TENM3: variants seen among roughly 807,000 people sequenced by gnomAD.
TENM3 encodes the protein teneurin transmembrane protein 3, also known as teneurin-3.
A neutral mutation model predicts 255.1 loss-of-function variants in TENM3; 63 were observed. That is an observed-to-expected ratio of 0.25 (90% CI 0.20 to 0.30). The LOEUF (loss-of-function observed/expected upper bound fraction) is 0.30. TENM3 is among the 10% of genes least tolerant of loss of function. The pLI is 1.00. For missense variants in TENM3, 2,929 were observed against 3,461.1 expected, an observed-to-expected ratio of 0.85 and a Z score of 3.86; for synonymous variants, 1,306 against 1,322.3, an observed-to-expected ratio of 0.99 and a Z score of 0.27.
chr4:182,239,946 G>A (rs1365961960), upstream of TENM3, among the ~76,000 whole-genome samples: 1 of 152,128 alleles, frequency 6.6e-6, no homozygotes, highest in Non-Finnish European at 1.5e-5. Flanking sequence ...AAACTTCTCA[G>A]AGAAATAGAT....
At chr4:182,708,740 G>A (rs71620941) in intron 12 of TENM3, among the ~76,000 whole-genome samples, 8 of 151,342 alleles carry the variant, frequency 5.3e-5, no homozygotes, top group Non-Finnish European at 2.9e-5. Context: ...GGAGCTTGCA[G>A]TGAGCGGAGA....
intron 3 of TENM3, among the ~76,000 whole-genome samples, chr4:182,419,443 A>G (rs1332161136): frequency 6.6e-6 from 1 of 152,218 alleles, no homozygotes; most frequent in Non-Finnish European, 1.5e-5. Flanking sequence ...TAGTTCAACC[A>G]TTGTGGAAGT....
the TENM3 span, among the ~76,000 whole-genome samples, chr4:181,517,619 A>G: frequency 6.6e-6 from 1 of 152,186 alleles, no homozygotes; most frequent in Non-Finnish European, 1.5e-5. Flanking sequence ...CAGTTTTACA[A>G]TTGGTTTGTT....
chr4:181,880,184 C>A, the TENM3 span, among the ~76,000 whole-genome samples: 2 of 152,266 alleles, frequency 1.3e-5, no homozygotes, highest in South Asian at 4.1e-4. Flanking sequence ...TTCTTCTCTC[C>A]TTTCTAAGGA....
At chr4:181,833,573 C>T in the TENM3 span, among the ~76,000 whole-genome samples, 1 of 152,210 alleles carries the variant, frequency 6.6e-6, no homozygotes, top group Non-Finnish European at 1.5e-5. Flanking sequence ...ATGGCCCCAC[C>T]TCTCCTACTC....
chr4:181,499,808 C>G, the TENM3 span, among the ~76,000 whole-genome samples: 1 of 152,074 alleles, frequency 6.6e-6, no homozygotes, highest in African/African-American at 2.4e-5. Flanking sequence ...CTGTATGGTC[C>G]TCAGTTTTAT....
intron 16 of TENM3, among the ~76,000 whole-genome samples, chr4:182,732,406 T>C (rs768681192): frequency 5.9e-5 from 9 of 152,244 alleles, no homozygotes; most frequent in Non-Finnish European, 1.3e-4. Context: ...AATATAACTT[T>C]TTAAGAAATA....
At chr4:182,704,410 A>G (rs1758115424) in intron 12 of TENM3, among the ~76,000 whole-genome samples, 1 of 152,214 alleles carries the variant, frequency 6.6e-6, no homozygotes, top group Admixed American at 6.5e-5. Flanking sequence ...AATTGAAGGA[A>G]AATACCAAAT....
At chr4:181,473,862 T>C in the TENM3 span, among the ~76,000 whole-genome samples, 3 of 148,824 alleles carry the variant, frequency 2.0e-5, no homozygotes, top group East Asian at 2.0e-4. Flanking sequence ...ATATATTCTG[T>C]GTATAAAATA....
chr4:181,871,387 ACT>A, the TENM3 span, among the ~76,000 whole-genome samples: 40 of 151,580 alleles, frequency 2.6e-4, no homozygotes, highest in Admixed American at 4.6e-4. Flanking sequence ...GAATATGGTA[ACT>A]CTCTCCTTTT....
chr4:181,512,931 C>T, the TENM3 span, among the ~76,000 whole-genome samples: 1 of 152,132 alleles, frequency 6.6e-6, no homozygotes, highest in Non-Finnish European at 1.5e-5. Flanking sequence ...AATTAAGTGT[C>T]TGTGCTTTCT....
chr4:182,234,513 A>G (rs939724171), intron 1 of TENM3, among the ~76,000 whole-genome samples: 12 of 152,184 alleles, frequency 7.9e-5, no homozygotes, highest in Non-Finnish European at 1.3e-4. Context: ...TGGGTGGATC[A>G]TTTGAGGTCA....
chr4:182,760,388 T>G (rs1313049562), intron 22 of TENM3, among the ~76,000 whole-genome samples: 1 of 152,150 alleles, frequency 6.6e-6, no homozygotes, highest in Non-Finnish European at 1.5e-5. Context: ...AATACGTTAT[T>G]TAATAGTAAA....
the TENM3 span, among the ~76,000 whole-genome samples, chr4:182,043,576 A>G: frequency 6.6e-6 from 1 of 152,178 alleles, no homozygotes; most frequent in African/African-American, 2.4e-5. Flanking sequence ...ACACAAGCAT[A>G]CACTGTGAAA....
At chr4:181,979,787 C>G in the TENM3 span, among the ~76,000 whole-genome samples, 1 of 152,230 alleles carries the variant, frequency 6.6e-6, no homozygotes, top group African/African-American at 2.4e-5. Flanking sequence ...CAACGTCATA[C>G]AGCTAGACAT....
intron 1 of TENM3, among the ~76,000 whole-genome samples, chr4:182,166,139 C>T (rs1162199029): frequency 3.3e-5 from 5 of 152,170 alleles, no homozygotes; most frequent in African/African-American, 4.8e-5. Context: ...TCCGTTGTCC[C>T]GTTGGTAAAG....
chr4:182,602,833 A>G (rs1224742353), intron 4 of TENM3, among the ~76,000 whole-genome samples: 1 of 152,222 alleles, frequency 6.6e-6, no homozygotes, highest in Non-Finnish European at 1.5e-5. Context: ...GAAAAAATTT[A>G]TTAGGAAAAA....
intron 2 of TENM3, 113 bp downstream of exon 2, chr4:182,324,365 T>C (rs1201878379): frequency 2.6e-6 from 2 of 771,976 alleles, no homozygotes; most frequent in Non-Finnish European, 4.4e-6. Context: ...TTCCATCTGC[T>C]GATTCTGATT....
the TENM3 span, among the ~76,000 whole-genome samples, chr4:181,788,723 G>A: frequency 6.6e-6 from 1 of 152,080 alleles, no homozygotes; most frequent in South Asian, 2.1e-4. Context: ...TGCCAAAGTT[G>A]TTAGGACTAT....
Sources: allele counts gnomAD v4.1 joint callset (sites outside exome capture counted in the v4.1 genomes callset), GRCh38; gene constraint gnomAD v4.1.1; transcripts MANE v1.5; gene names NCBI Gene and HGNC (gene_info 2026-07-23, HGNC 2026-07-21).